ABTB3: variants seen among roughly 807,000 people sequenced by gnomAD.
ABTB3 encodes ankyrin repeat and BTB domain containing 3.
At chr12:107,483,000 C>CTTTCCTT in the ABTB3 span, among the ~76,000 whole-genome samples, 2 of 115,000 alleles carry the variant, frequency 1.7e-5, no homozygotes, top group African/African-American at 8.5e-5. Flanking sequence ...TTCCTTCCTT[C>CTTTCCTT]CTTCCTTCTT....
chr12:107,615,751 T>C, the ABTB3 span, among the ~76,000 whole-genome samples: 1 of 152,340 alleles, frequency 6.6e-6, no homozygotes, highest in East Asian at 1.9e-4. Flanking sequence ...TAAATATGTA[T>C]TGCTTGTACT....
At chr12:107,635,518 G>GC in the ABTB3 span, 1 of 670,444 alleles carries the variant, frequency 1.5e-6, no homozygotes, top group Non-Finnish European at 2.4e-6. Context: ...CAGGAGTCAG[G>GC]CCGGGGGAGA....
the ABTB3 span, among the ~76,000 whole-genome samples, chr12:107,426,807 A>C: frequency 2.0e-5 from 3 of 149,902 alleles, no homozygotes; most frequent in Admixed American, 6.6e-5. Flanking sequence ...CTCCTCTCCC[A>C]CCTCTGCCAA....
At chr12:107,470,769 C>T in the ABTB3 span, among the ~76,000 whole-genome samples, 2 of 152,200 alleles carry the variant, frequency 1.3e-5, no homozygotes, top group Non-Finnish European at 2.9e-5. Context: ...AAGGTCTGCC[C>T]CTGATACTTG....
chr12:107,620,964 T>C, the ABTB3 span, among the ~76,000 whole-genome samples: 2 of 152,122 alleles, frequency 1.3e-5, no homozygotes, highest in Non-Finnish European at 2.9e-5. Context: ...CTACGGAGCC[T>C]GGGAAGTCTC....
At chr12:107,602,965 C>T in the ABTB3 span, among the ~76,000 whole-genome samples, 1 of 152,280 alleles carries the variant, frequency 6.6e-6, no homozygotes, top group East Asian at 1.9e-4. Flanking sequence ...TTGACCACCT[C>T]GGTAGCTGCC....
the ABTB3 span, among the ~76,000 whole-genome samples, chr12:107,345,399 AAGG>A: frequency 6.6e-6 from 1 of 152,136 alleles, no homozygotes; most frequent in Admixed American, 6.5e-5. Context: ...AGAGAATTGG[AAGG>A]AGGTTTGTTT....
At chr12:107,473,255 G>A in the ABTB3 span, among the ~76,000 whole-genome samples, 3 of 152,140 alleles carry the variant, frequency 2.0e-5, no homozygotes, top group East Asian at 1.9e-4. Context: ...ACCAGGCCTC[G>A]GATTAAGAAT....
At chr12:107,322,425 A>G in the ABTB3 span, among the ~76,000 whole-genome samples, 1 of 152,344 alleles carries the variant, frequency 6.6e-6, no homozygotes, top group Admixed American at 6.5e-5. Flanking sequence ...TGAGTGATTA[A>G]TTCCTTAGGT....
the ABTB3 span, among the ~76,000 whole-genome samples, chr12:107,350,762 G>T: frequency 1.3e-5 from 2 of 152,152 alleles, no homozygotes; most frequent in Non-Finnish European, 1.5e-5. Context: ...ACACATTCTT[G>T]TCTTCTCTTG....
chr12:107,534,776 T>C, the ABTB3 span, among the ~76,000 whole-genome samples: 6 of 152,060 alleles, frequency 3.9e-5, no homozygotes, highest in African/African-American at 1.4e-4. Context: ...CAATAACAAG[T>C]AATGAGACTG....
the ABTB3 span, among the ~76,000 whole-genome samples, chr12:107,532,256 A>T: frequency 6.6e-6 from 1 of 152,260 alleles, no homozygotes; most frequent in Non-Finnish European, 1.5e-5. Flanking sequence ...GCCCACTGCC[A>T]CTGCTGTCCA....
chr12:107,422,100 A>T, the ABTB3 span, among the ~76,000 whole-genome samples: 1 of 152,202 alleles, frequency 6.6e-6, no homozygotes, highest in African/African-American at 2.4e-5. Context: ...AGCTACTTTC[A>T]ATGGGATAGT....
the ABTB3 span, among the ~76,000 whole-genome samples, chr12:107,550,914 C>T: frequency 1.3e-5 from 2 of 152,268 alleles, no homozygotes; most frequent in South Asian, 4.1e-4. Context: ...AAATAAATAA[C>T]CCACAAGTGA....
chr12:107,394,474 G>C, the ABTB3 span, among the ~76,000 whole-genome samples: 1 of 152,280 alleles, frequency 6.6e-6, no homozygotes, highest in South Asian at 2.1e-4. Flanking sequence ...CCTGCTTTAA[G>C]ACCAGTTGAA....
the ABTB3 span, among the ~76,000 whole-genome samples, chr12:107,619,583 CT>C: frequency 1.3e-5 from 2 of 152,192 alleles, no homozygotes; most frequent in East Asian, 1.9e-4. Context: ...CTTCTCCCCC[CT>C]GAGCTTCTTT....
the ABTB3 span, among the ~76,000 whole-genome samples, chr12:107,328,003 T>C: frequency 6.6e-6 from 1 of 152,108 alleles, no homozygotes; most frequent in African/African-American, 2.4e-5. Context: ...GGTGTGGGTG[T>C]GTCAATTCCT....
At chr12:107,413,229 G>A in the ABTB3 span, among the ~76,000 whole-genome samples, 1 of 151,800 alleles carries the variant, frequency 6.6e-6, no homozygotes, top group Non-Finnish European at 1.5e-5. Flanking sequence ...AGCCGAGATC[G>A]CGCCACTGCA....
chr12:107,606,594 T>A, the ABTB3 span, among the ~76,000 whole-genome samples: 1 of 152,200 alleles, frequency 6.6e-6, no homozygotes, highest in African/African-American at 2.4e-5. Context: ...AAAATGCATA[T>A]TTGATTGAAT....
Sources: gnomAD v4.1 joint callset for allele counts (sites outside exome capture counted in the v4.1 genomes callset) on GRCh38, gnomAD v4.1.1 for gene constraint, MANE v1.5 for transcripts, NCBI Gene and HGNC (gene_info 2026-07-23, HGNC 2026-07-21) for gene names.